The following AOX1 variants were observed in gnomAD, a reference collection of about 807,000 sequenced individuals.
The protein encoded by AOX1 is aldehyde oxidase 1.
Under a neutral mutation model 169.5 loss-of-function variants are expected in AOX1, and 153 were observed. The observed-to-expected ratio is 0.90, with a 90% CI of 0.79 to 1.03. AOX1 has a LOEUF of 1.03. AOX1 is among the 50% of genes least tolerant of loss of function. The probability of loss-of-function intolerance (pLI) is 0.00; values close to 1 mark genes in which losing one functional copy is unlikely to be tolerated. For missense variants in AOX1, 1,656 were observed against 1,663.9 expected, an observed-to-expected ratio of 1.00 and a Z score of 0.08; for synonymous variants, 562 against 581.9, an observed-to-expected ratio of 0.97 and a Z score of 0.49.
At chr2:200,637,881 TC>T (rs1228615234) in intron 22 of AOX1, among the ~76,000 whole-genome samples, 1 of 152,144 alleles carries the variant, frequency 6.6e-6, no homozygotes. Context: ...TCTGCATTCT[TC>T]CATTTGTGGC....
chr2:200,596,140 C>T (rs923155862), intron 3 of AOX1, among the ~76,000 whole-genome samples: 1 of 152,208 alleles, frequency 6.6e-6, no homozygotes, highest in Non-Finnish European at 1.5e-5. Flanking sequence ...TTTCACAGAT[C>T]GCACTTGAAG....
chr2:200,606,346 T>G (rs2034513729), intron 10 of AOX1, among the ~76,000 whole-genome samples: 1 of 152,188 alleles, frequency 6.6e-6, no homozygotes, highest in Non-Finnish European at 1.5e-5. Context: ...GGTCTATATA[T>G]CTGTTTTGGT....
chr2:200,608,447 A>G (rs1398782902), intron 10 of AOX1, among the ~76,000 whole-genome samples: 1 of 152,156 alleles, frequency 6.6e-6, no homozygotes, highest in East Asian at 1.9e-4. Flanking sequence ...GAGGAAATTG[A>G]TATAATGGCA....
intron 33 of AOX1, among the ~76,000 whole-genome samples, chr2:200,669,200 T>C (rs537288783): frequency 6.6e-6 from 1 of 152,292 alleles, no homozygotes; most frequent in East Asian, 1.9e-4. Context: ...TCCAAGCACT[T>C]TGGGAGGCCA....
intron 32 of AOX1, among the ~76,000 whole-genome samples, chr2:200,667,241 C>G (rs2035938790): frequency 6.6e-6 from 1 of 152,170 alleles, no homozygotes; most frequent in Non-Finnish European, 1.5e-5. Flanking sequence ...TCATAAATAT[C>G]TAGTTTCTCT....
At chr2:200,599,814 T>G in intron 5 of AOX1, 68 bp downstream of exon 5, 2 of 1,234,224 alleles carry the variant, frequency 1.6e-6, no homozygotes, top group Non-Finnish European at 2.1e-6. Context: ...AGACGGAATC[T>G]CACTCTGTTG....
At chr2:200,610,314 C>T (rs1046110465) in intron 12 of AOX1, among the ~76,000 whole-genome samples, 1 of 152,138 alleles carries the variant, frequency 6.6e-6, no homozygotes, top group Non-Finnish European at 1.5e-5. Context: ...TCGGGTGATC[C>T]ACCCGCCTCT....
Position 200,620,756 on chromosome 2 carries a change from C to G in AOX1, c.1811C>G (p.Pro604Arg), listed in dbSNP as rs1480420771. Residue 604 changes from proline to arginine, a missense_variant, in exon 17 of 35, where the codon CCT (proline) becomes CGT (arginine). Transcript: ENST00000374700. ...TGEAIYCDDMPLVDQELFLTF... is the reference protein window; with the variant it reads ...TGEAIYCDDMRLVDQELFLTF... ...GAGGCCATCTACTGTGATGACATGCCTCTGGTGGACCAGGAACTTTTCTTG... is the reference window on the plus strand; with the variant it reads ...GAGGCCATCTACTGTGATGACATGCGTCTGGTGGACCAGGAACTTTTCTTG... 6.2e-7 allele frequency: 1 copy of G among 1,609,242 alleles called. No homozygotes were observed. Among genetic ancestry groups the G allele is most frequent in the East Asian group, 2.2e-5 (1 of 44,612 alleles).
intron 4 of AOX1, among the ~76,000 whole-genome samples, chr2:200,599,034 A>T (rs2034347344): frequency 6.6e-6 from 1 of 152,176 alleles, no homozygotes; most frequent in Non-Finnish European, 1.5e-5. Context: ...TTCTTCATTG[A>T]TGCGGAACTC....
intron 16 of AOX1, among the ~76,000 whole-genome samples, chr2:200,619,353 A>G (rs1356127458): frequency 6.6e-6 from 1 of 152,180 alleles, no homozygotes; most frequent in Non-Finnish European, 1.5e-5. Flanking sequence ...AACCTGGCCA[A>G]CATGACTGCA....
chr2:200,597,670 G>C (rs2034315187), intron 4 of AOX1, among the ~76,000 whole-genome samples, 165 bp downstream of exon 4: 1 of 152,224 alleles, frequency 6.6e-6, no homozygotes, highest in Admixed American at 6.5e-5. Flanking sequence ...ATTGGGATAT[G>C]TGAGTGTTTC....
Position 200,605,542 on chromosome 2 carries a change from A to G in AOX1, c.821A>G (p.Glu274Gly). ...TTTTTTTTTGATCCTTTAGGGCCTG[A>G]AGTGAAATTTAAAGGCGTCTTTCAC... Reference protein sequence around the residue: ...VIMGNTSVGPEVKFKGVFHPV... With the variant: ...VIMGNTSVGPGVKFKGVFHPV... The change falls in exon 10 of 35, where the codon GAA becomes GGA. Residue 274 changes from glutamate (E) to glycine (G), a missense_variant. Physicochemically the swap from Glu to Gly is moderately conservative, Grantham distance 98. Transcript: ENST00000374700. The G allele has an allele frequency of 2.6e-6, 4 of 1,537,934 alleles. No individual in the cohort carries two copies. In the South Asian group the frequency reaches 5.2e-5, roughly 20 times the overall value.
At position 200,620,824 on chromosome 2, in the gene AOX1, G is replaced by A. The variant is rs1302061081; in HGVS notation, c.1874+5G>A. ...AAGAGCTCATGCTAAGATTGTGTAA[G>A]TGGTAAAATTCTTACTCAATGGGCA... is the stretch of plus-strand genomic sequence containing the variant. On this transcript the variant is annotated splice_donor_5th_base_variant and intron_variant, in intron 17 of 34. Transcript: ENST00000374700. 2 of 1,590,984 alleles carry A rather than the reference G, an allele frequency of 1.3e-6. No homozygotes were observed. Among genetic ancestry groups the A allele is most frequent in the East Asian group, 2.3e-5 (1 of 44,308 alleles).
chr2:200,613,027 T>TGTGTGTGTGAGAGAGA (rs112472592), intron 14 of AOX1, among the ~76,000 whole-genome samples: 2 of 146,108 alleles, frequency 1.4e-5, no homozygotes, highest in African/African-American at 5.1e-5. Flanking sequence ...TGTGTGTGTG[T>TGTGTGTGTGAGAGAGA]GAGAGAGAGA....
At chr2:200,622,700 G>C (rs941472284) in intron 18 of AOX1, among the ~76,000 whole-genome samples, 11 of 152,178 alleles carry the variant, frequency 7.2e-5, no homozygotes, top group African/African-American at 2.7e-4. Context: ...AAGATCATAA[G>C]CATCTCAGGG....
At chr2:200,622,152 G>T (rs902885040) in intron 18 of AOX1, among the ~76,000 whole-genome samples, 4 of 152,226 alleles carry the variant, frequency 2.6e-5, no homozygotes, top group African/African-American at 9.6e-5. Context: ...GTCTAGAGGA[G>T]AAAACAAAGT....
intron 1 of AOX1, among the ~76,000 whole-genome samples, chr2:200,587,411 C>T (rs945391533): frequency 3.9e-5 from 6 of 152,178 alleles, no homozygotes; most frequent in African/African-American, 7.2e-5. Flanking sequence ...CTAAGGGCAG[C>T]CACAACACTT....
At chr2:200,621,434 TTAAC>T (rs1279077428) in intron 18 of AOX1, among the ~76,000 whole-genome samples, 188 bp downstream of exon 18, 1 of 152,214 alleles carries the variant, frequency 6.6e-6, no homozygotes, top group African/African-American at 2.4e-5. Context: ...AGTAAAGACA[TTAAC>T]TAGTTATATA....
chr2:200,612,590 A>G lies in AOX1; in HGVS notation c.1264-19A>G. The G allele has an allele frequency of 6.2e-7, 1 of 1,611,136 alleles. No homozygotes were observed. Among genetic ancestry groups the G allele is most frequent in the South Asian group, 1.1e-5 (1 of 90,728 alleles). On this transcript the variant is annotated intron_variant, in intron 13 of 34. Transcript: ENST00000374700. ...GATGCTCAGTGTTTCTACATGTGCC[A>G]CTTAACTGTTTCTTTCAGTGGGAAT...
Sources: allele counts gnomAD v4.1 joint callset (sites outside exome capture counted in the v4.1 genomes callset), GRCh38; gene constraint gnomAD v4.1.1; transcripts MANE v1.5; gene names NCBI Gene and HGNC (gene_info 2026-07-23, HGNC 2026-07-21).